The following MTMR4 variants were observed in gnomAD, a reference collection of about 807,000 sequenced individuals.
The protein encoded by MTMR4 is phosphatidylinositol-3,5-bisphosphate 3-phosphatase MTMR4.
A neutral mutation model predicts 125.5 loss-of-function variants in MTMR4; 30 were observed. The ratio of observed to expected loss-of-function variants is 0.24; its 90% CI spans 0.18 to 0.32. MTMR4 has a LOEUF of 0.32. MTMR4 is among the 10% of genes least tolerant of loss of function. MTMR4 has a pLI of 1.00. For missense variants in MTMR4, 1,039 were observed against 1,511.5 expected, an observed-to-expected ratio of 0.69 and a Z score of 5.18; for synonymous variants, 498 against 564.5, an observed-to-expected ratio of 0.88 and a Z score of 1.67.
chr17:58,518,216 AG>A (rs2042046899), upstream of MTMR4, among the ~76,000 whole-genome samples: 1 of 152,236 alleles, frequency 6.6e-6, no homozygotes, highest in Non-Finnish European at 1.5e-5. Flanking sequence ...GGGGACCGGA[AG>A]TGGAGGCGGC....
intron 14 of MTMR4, among the ~76,000 whole-genome samples, chr17:58,498,189 G>T (rs918528722): frequency 6.6e-5 from 10 of 152,006 alleles, no homozygotes; most frequent in Non-Finnish European, 1.2e-4. Context: ...AGTGAGCCGA[G>T]ATCGCACCAC....
chr17:58,511,264 G>A (rs535689637), intron 4 of MTMR4, 165 bp downstream of exon 4: 8 of 595,480 alleles, frequency 1.3e-5, no homozygotes, highest in Non-Finnish European at 2.3e-5. Flanking sequence ...AGATCCTATG[G>A]GTCAGTAAAC....
At chr17:58,500,747 C>CAAAAAA (rs60355286) in intron 14 of MTMR4, among the ~76,000 whole-genome samples, 4 of 92,206 alleles carry the variant, frequency 4.3e-5, no homozygotes, top group African/African-American at 1.3e-4. Context: ...GATTCTGTCT[C>CAAAAAA]AAAAAAAAAA....
rs775389594 is a variant in MTMR4, at chr17:58,492,604, T to C, written c.3364-5A>G. On this transcript the variant is annotated splice_polypyrimidine_tract_variant and splice_region_variant and intron_variant, in intron 16 of 17. Coordinates refer to ENST00000682306, the MANE Select transcript of MTMR4 (RefSeq NM_001378067.1). ...GTCTGGAACCCAGCGAGTCACCTAA[T>C]AGAAGGCACAAAGAAAAATTCCTGG... 2 of 1,613,580 alleles carry C rather than the reference T, an allele frequency of 1.2e-6. No individual in the cohort carries two copies. Among genetic ancestry groups the C allele is most frequent in the Admixed American group, 3.3e-5 (2 of 59,866 alleles).
At chr17:58,502,418 A>G (rs1472341523) in intron 14 of MTMR4, among the ~76,000 whole-genome samples, 6 of 152,074 alleles carry the variant, frequency 3.9e-5, no homozygotes, top group Non-Finnish European at 8.8e-5. Context: ...TCGGCCTCCC[A>G]AAGTGCTGGG....
At chr17:58,500,671 A>T (rs1975595992) in intron 14 of MTMR4, among the ~76,000 whole-genome samples, 1 of 146,734 alleles carries the variant, frequency 6.8e-6, no homozygotes, top group East Asian at 2.1e-4. Context: ...AATCACTTGA[A>T]CCCGGGAGGC....
rs1245311311 is a variant in MTMR4, at chr17:58,512,820, C to T, written c.135+32G>A. On this transcript the variant is annotated intron_variant, in intron 2 of 17. Coordinates refer to ENST00000682306, the MANE Select transcript of MTMR4 (RefSeq NM_001378067.1). The surrounding 1 kb of genome is among the most constrained non-coding windows in gnomAD (Gnocchi z 4.1). ...GGTGTTTTTTAACTGGGCAGGGAGCCCCATCTATCCTGGCCCCCAACTCCT... is the reference window on the plus strand; with the variant it reads ...GGTGTTTTTTAACTGGGCAGGGAGCTCCATCTATCCTGGCCCCCAACTCCT... 1.8e-5 allele frequency: 29 copies of T among 1,574,700 alleles called. No homozygotes were observed. Among genetic ancestry groups the T allele is most frequent in the Non-Finnish European group, 2.5e-5 (29 of 1,145,884 alleles).
chr17:58,518,598 C>A (rs1484752643), upstream of MTMR4, among the ~76,000 whole-genome samples: 1 of 152,202 alleles, frequency 6.6e-6, no homozygotes, highest in Admixed American at 6.5e-5. Context: ...GAAGAACTCT[C>A]CTCTCATCCC....
Position 58,495,640 on chromosome 17 carries a change from G to C in MTMR4, c.2544C>G (p.Asn848Lys). The part of the protein sequence containing the change: ...TPLDPSTDFL[N>K]QDPSGSVASI... ...TTGCCACAGACCCTGAGGGATCTTG[G>C]TTGAGGAAGTCAGTGCTTGGGTCTA... The change falls in exon 15 of 18, where the codon AAC (asparagine) becomes AAG (lysine). Residue 848 changes from asparagine to lysine, a missense_variant. Transcript: ENST00000682306. 1 of 1,614,178 alleles carries C rather than the reference G, an allele frequency of 6.2e-7. No individual in the cohort carries two copies. The highest frequency in any genetic ancestry group is 8.5e-7 in the Non-Finnish European group (1 of 1,180,032).
rs1975838325 is a variant in MTMR4 at position 58,508,529 on chromosome 17, C to A, written c.532G>T (p.Ala178Ser). ...HIRCRQEAEL[A>S]RMGFDLQNVW... Reference sequence around the variant, plus strand: ...TTCTGCAGGTCAAAGCCCATCCTTGCAAGCTCCGCCTCCTGTCGACAACGT... The same window carrying A: ...TTCTGCAGGTCAAAGCCCATCCTTGAAAGCTCCGCCTCCTGTCGACAACGT... The change falls in exon 6 of 18, where the codon GCA becomes TCA. Residue 178 changes from alanine to serine, a missense_variant. This residue lies in a region of MTMR4 where 202 missense variants were observed against 311.9 expected (regional missense o/e 0.65). Transcript: ENST00000682306. This position sits in a 1 kb window ranked among gnomAD's most constrained non-coding sequence, Gnocchi z 4.8. 1.9e-6 allele frequency: 3 copies of A among 1,614,120 alleles called. No individual in the cohort carries two copies. The South Asian group carries it at 3.3e-5, about 18-fold the overall frequency.
chr17:58,516,561 G>A (rs575370081), upstream of MTMR4: 6 of 1,614,026 alleles, frequency 3.7e-6, no homozygotes, highest in South Asian at 3.3e-5. Context: ...AATGGCCTGA[G>A]GAAAGACAGG....
chr17:58,509,802 C>T (rs1227444067), intron 4 of MTMR4, among the ~76,000 whole-genome samples: 1 of 152,122 alleles, frequency 6.6e-6, no homozygotes, highest in South Asian at 2.1e-4. Context: ...GTTTAGCCTC[C>T]TTGAAGGGAA....
Position 58,504,494 on chromosome 17 carries a change from A to G in MTMR4, c.1342-6T>C, listed in dbSNP as rs1975725784. On this transcript the variant is annotated splice_polypyrimidine_tract_variant and splice_region_variant and intron_variant, in intron 11 of 17. Coordinates refer to ENST00000682306, the MANE Select transcript of MTMR4 (RefSeq NM_001378067.1). The surrounding 1 kb of genome is among the most constrained non-coding windows in gnomAD (Gnocchi z 7.1). ...TCCACTAACACTTGGAAGCCCTGCA[A>G]AAAAAGAAACTGTTCAAACATAGGG... 1 of 1,610,592 alleles carries G rather than the reference A, an allele frequency of 6.2e-7. No homozygotes were observed. Among genetic ancestry groups the G allele is most frequent in the Non-Finnish European group, 8.5e-7 (1 of 1,177,856 alleles).
Position 58,514,473 on chromosome 17 carries a change from C to A in MTMR4, c.-66G>T. ...CGCTGCGCTGCCCGCCAGCCCCGGG[C>A]GCCCGCCGCATCCCGGCTGCGGGGC... On this transcript the variant is annotated 5_prime_UTR_variant, in exon 1 of 18. Transcript: ENST00000682306. 3.0e-6 allele frequency: 3 copies of A among 984,914 alleles called. No homozygotes were observed. Among genetic ancestry groups the A allele is most frequent in the Non-Finnish European group, 3.6e-6 (3 of 829,762 alleles). 61.0% of individuals were successfully genotyped at this position (984,914 alleles called of 1,614,324 possible).
chr17:58,495,984 G>T lies in MTMR4; in HGVS notation c.2200C>A (p.Pro734Thr), dbSNP rs1975454973. The change falls in exon 15 of 18, where the codon CCT becomes ACT. Residue 734 changes from proline to threonine, a missense_variant. Physicochemically the swap from Pro to Thr is conservative, Grantham distance 38. Transcript: ENST00000682306. ...PREMKSNTSD[P>T]EIKVLEETKG... ...GTCTCTTCTAGGACTTTGATCTCAG[G>T]ATCAGAGGTGTTGCTCTTCATTTCC... 6.2e-7 allele frequency: 1 copy of T among 1,613,986 alleles called. No individual in the cohort carries two copies. Among genetic ancestry groups the T allele is most frequent in the Non-Finnish European group, 8.5e-7 (1 of 1,180,042 alleles).
upstream of MTMR4, chr17:58,514,687 A>G (rs1242943129): frequency 3.0e-6 from 3 of 983,738 alleles, no homozygotes; most frequent in East Asian, 3.4e-4. Context: ...GCGGAGGTAG[A>G]GGCGGGGCGG....
intron 1 of MTMR4, 93 bp from the exon 2 acceptor site, chr17:58,513,034 C>A: frequency 1.3e-6 from 1 of 790,080 alleles, no homozygotes; most frequent in Non-Finnish European, 2.1e-6. Context: ...CACAGATACC[C>A]ACACACACAC....
upstream of MTMR4, among the ~76,000 whole-genome samples, chr17:58,518,075 T>C (rs914612459): frequency 3.9e-5 from 6 of 152,152 alleles, no homozygotes; most frequent in African/African-American, 1.4e-4. Flanking sequence ...ATCGGATGCC[T>C]AAAGACGAGA....
chr17:58,506,932 T>C, intron 8 of MTMR4, 61 bp from the exon 9 acceptor site: 1 of 1,584,000 alleles, frequency 6.3e-7, no homozygotes, highest in Non-Finnish European at 8.6e-7. Flanking sequence ...TTGCTGGCCC[T>C]CTGGCACTCC....
Sources: allele counts gnomAD v4.1 joint callset (sites outside exome capture counted in the v4.1 genomes callset), GRCh38; gene constraint gnomAD v4.1.1; regional missense constraint gnomAD v4.1.1; non-coding constraint Gnocchi (gnomAD v3.1); transcripts MANE v1.5; gene names NCBI Gene and HGNC (gene_info 2026-07-23, HGNC 2026-07-21).